PCDH15: variants seen among roughly 807,000 people sequenced by gnomAD.
The protein encoded by PCDH15 is protocadherin-15.
A neutral mutation model predicts 178.5 loss-of-function variants in PCDH15; 129 were observed. That is an observed-to-expected ratio of 0.72 (90% confidence interval 0.63 to 0.84). PCDH15 has a LOEUF of 0.84. Ranked by LOEUF, PCDH15 falls within the 40% of genes least tolerant of loss-of-function variation. The probability of loss-of-function intolerance (pLI) is 0.00; values close to 1 mark genes in which losing one functional copy is unlikely to be tolerated. For missense variants in PCDH15, 2,230 were observed against 2,099.9 expected, an observed-to-expected ratio of 1.06 and a Z score of -1.21; for synonymous variants, 800 against 732.0, an observed-to-expected ratio of 1.09 and a Z score of -1.50.
At chr10:54,371,267 A>G (rs1247056782) in intron 4 of PCDH15, among the ~76,000 whole-genome samples, 1 of 151,846 alleles carries the variant, frequency 6.6e-6, no homozygotes, top group Admixed American at 6.6e-5. Flanking sequence ...TAAAAATGTA[A>G]TTGTGAAATT....
chr10:55,542,603 AG>A (rs1841792096), intron 2 of PCDH15, among the ~76,000 whole-genome samples: 1 of 148,564 alleles, frequency 6.7e-6, no homozygotes, highest in Non-Finnish European at 1.5e-5. Flanking sequence ...AGGTACATAC[AG>A]ACATATGTAT....
In PCDH15 at chr10:53,903,320, G is replaced by C; in HGVS notation, c.3424C>G (p.Pro1142Ala). 6.2e-7 allele frequency: 1 copy of C among 1,612,746 alleles called. No homozygotes were observed. The highest frequency in any genetic ancestry group is 8.5e-7 in the Non-Finnish European group (1 of 1,179,232). The change falls in exon 26 of 38, where the codon CCA (proline) becomes GCA (alanine). Residue 1142 changes from proline to alanine, a missense_variant. Transcript: ENST00000644397. ...IEIQDENNHP[P>A]VFQKKFYIGG... ...ATGTAGAATTTTTTCTGAAACACTG[G>C]GGGATGATTATTTTCATCCTGAATC... is the stretch of plus-strand genomic sequence containing the variant.
intron 9 of PCDH15, among the ~76,000 whole-genome samples, chr10:54,226,251 CAAAG>C (rs1378377535): frequency 6.6e-6 from 1 of 152,094 alleles, no homozygotes; most frequent in Non-Finnish European, 1.5e-5. Context: ...TGGCAGCAGG[CAAAG>C]AGAGAGAGAG....
At position 53,868,382 on chromosome 10, in the gene PCDH15, C is replaced by A. The variant is rs1010224480; in HGVS notation, c.3502-1525G>T. ...TAACATCATACAAAAATAGTCTTATCTAATAACAATATAAAAAACTGAGGA... is the reference window on the plus strand; with the variant it reads ...TAACATCATACAAAAATAGTCTTATATAATAACAATATAAAAAACTGAGGA... On this transcript the variant is annotated intron_variant, in intron 26 of 37. Transcript: ENST00000644397. Among the ~76,000 whole-genome samples the A allele has an allele frequency of 5.9e-5, 9 of 151,826 alleles. No individual in the cohort carries two copies. The East Asian group carries it at 1.7e-3, about 29-fold the overall frequency.
intron 2 of PCDH15, among the ~76,000 whole-genome samples, chr10:54,536,804 G>A (rs1406991931): frequency 6.6e-6 from 1 of 151,998 alleles, no homozygotes; most frequent in East Asian, 1.9e-4. Flanking sequence ...AACTGCATCC[G>A]TGTGGCTGCA....
At chr10:55,106,269 G>A (rs1218913558) in intron 2 of PCDH15, among the ~76,000 whole-genome samples, 1 of 152,070 alleles carries the variant, frequency 6.6e-6, no homozygotes, top group Non-Finnish European at 1.5e-5. Flanking sequence ...ACTATTCCTG[G>A]TTAATATGAC....
chr10:54,862,929 C>T (rs1564580117), intron 3 of PCDH15, among the ~76,000 whole-genome samples: 1 of 152,092 alleles, frequency 6.6e-6, no homozygotes, highest in African/African-American at 2.4e-5. Context: ...ACAAAATTAA[C>T]AGAGACATCA....
At chr10:55,373,603 G>T (rs1845555465) in intron 2 of PCDH15, among the ~76,000 whole-genome samples, 1 of 151,968 alleles carries the variant, frequency 6.6e-6, no homozygotes, top group African/African-American at 2.4e-5. Flanking sequence ...AAAACATGAG[G>T]CCACCATGTT....
intron 1 of PCDH15, among the ~76,000 whole-genome samples, chr10:55,173,036 G>T (rs573697803): frequency 6.6e-6 from 1 of 151,886 alleles, no homozygotes; most frequent in African/African-American, 2.4e-5. Context: ...CAGATTTTAG[G>T]TCATTCTTTC....
rs1467744969 is a variant in PCDH15 at position 53,959,329 on chromosome 10, T to C, written c.3122+403A>G. ...ACACAAACGTACACACATACACACA[T>C]ACACACTGATTAGATGGAAAATATG... On this transcript the variant is annotated intron_variant, in intron 23 of 37. Transcript: ENST00000644397. Among the ~76,000 whole-genome samples the C allele has an allele frequency of 2.0e-5, 3 of 150,828 alleles. No individual in the cohort carries two copies. In the East Asian group the frequency reaches 5.8e-4, roughly 29 times the overall value.
chr10:55,244,298 G>C (rs1841631710), intron 1 of PCDH15, among the ~76,000 whole-genome samples: 1 of 151,700 alleles, frequency 6.6e-6, no homozygotes, highest in Non-Finnish European at 1.5e-5. Flanking sequence ...TTTTAGTAGA[G>C]TGAAATATTT....
At chr10:55,520,045 CAT>C (rs1251130319) in intron 2 of PCDH15, among the ~76,000 whole-genome samples, 66 of 140,176 alleles carry the variant, frequency 4.7e-4, no homozygotes, top group African/African-American at 1.1e-3. Flanking sequence ...CATATATATA[CAT>C]ATATATATAT....
chr10:55,353,940 C>T (rs987419026), intron 2 of PCDH15, among the ~76,000 whole-genome samples: 17 of 152,030 alleles, frequency 1.1e-4, no homozygotes, highest in African/African-American at 3.9e-4. Context: ...TTGGACACTG[C>T]TTGTATTCAG....
chr10:54,527,918 G>T (rs761643233), intron 2 of PCDH15, 41 bp from the exon 3 acceptor site: 1 of 1,511,890 alleles, frequency 6.6e-7, no homozygotes, highest in Non-Finnish European at 9.2e-7. Context: ...TTGACTGCAG[G>T]GGCACACACA....
chr10:54,358,928 G>A (rs562838347), intron 5 of PCDH15, among the ~76,000 whole-genome samples: 7 of 148,334 alleles, frequency 4.7e-5, no homozygotes, highest in African/African-American at 7.4e-5. Context: ...ACCAAACACC[G>A]CATATTCTCA....
chr10:55,615,679 G>A (rs1008168089), intron 2 of PCDH15, among the ~76,000 whole-genome samples: 4 of 151,972 alleles, frequency 2.6e-5, no homozygotes, highest in African/African-American at 9.7e-5. Context: ...ATCAGCCTGG[G>A]CAACATAGTG....
At chr10:54,505,245 A>G (rs2081069048) in intron 3 of PCDH15, among the ~76,000 whole-genome samples, 1 of 152,118 alleles carries the variant, frequency 6.6e-6, no homozygotes, top group Non-Finnish European at 1.5e-5. Context: ...CTACACATAT[A>G]TTACAAAGTT....
chr10:55,018,208 A>C (rs1228442802), intron 2 of PCDH15, among the ~76,000 whole-genome samples: 1 of 152,064 alleles, frequency 6.6e-6, no homozygotes, highest in Non-Finnish European at 1.5e-5. Context: ...TCTGGAAAAA[A>C]TTAATGCGAA....
chr10:54,003,849 T>C (rs1257374272), intron 20 of PCDH15, among the ~76,000 whole-genome samples: 1 of 147,366 alleles, frequency 6.8e-6, no homozygotes, highest in Non-Finnish European at 1.5e-5. Flanking sequence ...AAAAAGAAAC[T>C]ATAGGCAATC....
Sources: allele counts gnomAD v4.1 joint callset (sites outside exome capture counted in the v4.1 genomes callset), GRCh38; gene constraint gnomAD v4.1.1; transcripts MANE v1.5; gene names NCBI Gene and HGNC (gene_info 2026-07-23, HGNC 2026-07-21).